The following SLC39A14 variants were observed in gnomAD, a reference collection of about 807,000 sequenced individuals.
SLC39A14 encodes solute carrier family 39 member 14.
A neutral mutation model predicts 45.5 loss-of-function variants in SLC39A14; 19 were observed. That is an observed-to-expected ratio of 0.42 (90% CI 0.29 to 0.61). SLC39A14 has a LOEUF of 0.61. Among genes scored for constraint, SLC39A14 ranks in the 20% least tolerant of loss-of-function variants. The probability of loss-of-function intolerance (pLI) is 0.22; values close to 1 mark genes in which losing one functional copy is unlikely to be tolerated. For missense variants in SLC39A14, 447 were observed against 616.5 expected (o/e 0.73, Z 2.91); for synonymous variants, 264 against 251.3 (o/e 1.05, Z -0.48).
chr8:22,398,630 A>T (rs369337701), intron 1 of SLC39A14: 1 of 757,698 alleles, frequency 1.3e-6, no homozygotes, highest in African/African-American at 1.9e-5. Flanking sequence ...TCTCATATCT[A>T]TGCCCAACCT....
intron 8 of SLC39A14, among the ~76,000 whole-genome samples, chr8:22,428,643 A>T (rs761981394): frequency 6.6e-6 from 1 of 151,560 alleles, no homozygotes; most frequent in Non-Finnish European, 1.5e-5. Flanking sequence ...GGGTTTCACC[A>T]TGTTGGCCAG....
At chr8:22,400,008 G>C (rs117602077) in intron 1 of SLC39A14, among the ~76,000 whole-genome samples, 1 of 152,264 alleles carries the variant, frequency 6.6e-6, no homozygotes, top group South Asian at 2.1e-4. Flanking sequence ...ACCTAGGGCC[G>C]TCCCCTCATA....
downstream of SLC39A14, among the ~76,000 whole-genome samples, chr8:22,423,812 C>CAT (rs1554523074): frequency 7.2e-6 from 1 of 138,886 alleles, no homozygotes; most frequent in Non-Finnish European, 1.5e-5. Flanking sequence ...CTCTCTCTCT[C>CAT]ATCTATCTTC....
In SLC39A14 at chr8:22,421,094, A is replaced by C. The variant is rs1330182621; in HGVS notation, c.*1396A>C. On this transcript the variant is annotated 3_prime_UTR_variant, in exon 9 of 9. Coordinates refer to ENST00000381237, the MANE Select transcript of SLC39A14 (RefSeq NM_001128431.4). ...ATTGATTTATTATTATCATATTGAT[A>C]ATGTGAGATTCTTTAGCCACTTTGG... 27 of 985,712 alleles carry C rather than the reference A, an allele frequency of 2.7e-5. No individual in the cohort carries two copies. Among genetic ancestry groups the C allele is most frequent in the Non-Finnish European group, 3.3e-5 (27 of 829,930 alleles). 61.1% of individuals were successfully genotyped at this position (985,712 alleles called of 1,614,324 possible).
intron 1 of SLC39A14, chr8:22,398,901 C>T (rs4872487): frequency 0.27 from 60,199 of 222,322 alleles, 8,988 homozygotes; most frequent in East Asian, 0.59. Flanking sequence ...GTCTCCCTCC[C>T]ACCTCCCCAA....
rs1409813982 is a variant in SLC39A14, at chr8:22,421,351, C to T, written c.*1653C>T. 4 of 985,666 alleles carry T rather than the reference C, an allele frequency of 4.1e-6. No individual in the cohort carries two copies. Among genetic ancestry groups the T allele is most frequent in the Admixed American group, 6.2e-5 (1 of 16,248 alleles). The allele number at this position is 985,666 out of a possible 1,614,324, so 61.1% of individuals were successfully genotyped here. A position where few individuals can be genotyped will look rare whatever the true frequency, so the allele number is the denominator to read the frequency against. Reference sequence around the variant, plus strand: ...AAACCAGGAATATTCTTGAAAAGAACGTGAGCAGGAAAAACTGCTGGTGAT... The same window carrying T: ...AAACCAGGAATATTCTTGAAAAGAATGTGAGCAGGAAAAACTGCTGGTGAT... On this transcript the variant is annotated 3_prime_UTR_variant, in exon 9 of 9. Transcript: ENST00000381237.
rs1835967314 is a variant in SLC39A14, at chr8:22,417,644, G to C, written c.1148-7G>C. On this transcript the variant is annotated splice_polypyrimidine_tract_variant and splice_region_variant and intron_variant, in intron 7 of 8. Transcript: ENST00000381237. ...CGTCCCTCCCCTTTTCATTCTCGCT[G>C]CTGTAGGAGACTTTGTCATCCTGCT... is the stretch of plus-strand genomic sequence containing the variant. 6.2e-7 allele frequency: 1 copy of C among 1,611,514 alleles called. No homozygotes were observed. Among genetic ancestry groups the C allele is most frequent in the Non-Finnish European group, 8.5e-7 (1 of 1,178,644 alleles).
intron 1 of SLC39A14, among the ~76,000 whole-genome samples, chr8:22,399,244 C>T (rs1359829213): frequency 6.6e-6 from 1 of 152,224 alleles, no homozygotes; most frequent in East Asian, 1.9e-4. Context: ...CCTGCCCGGC[C>T]TCCCCGTCCC....
Position 22,421,562 on chromosome 8 carries a change from G to A in SLC39A14, c.*1864G>A, listed in dbSNP as rs1586757058. 3.0e-6 allele frequency: 3 copies of A among 985,088 alleles called. No individual in the cohort carries two copies. Among genetic ancestry groups the A allele is most frequent in the Non-Finnish European group, 1.2e-6 (1 of 829,408 alleles). The allele number at this position is 985,088 out of a possible 1,614,324, so 61.0% of individuals were successfully genotyped here. On this transcript the variant is annotated 3_prime_UTR_variant, in exon 9 of 9. Transcript: ENST00000381237. ...ATGTTGGAATCTAACTTTTTATATT[G>A]TCATTATTATTGTTGTTTTTAAACG...
At chr8:22,430,535 T>C (rs1262257780) in intron 8 of SLC39A14, among the ~76,000 whole-genome samples, 2 of 152,204 alleles carry the variant, frequency 1.3e-5, no homozygotes, top group Admixed American at 6.5e-5. Flanking sequence ...TGAATGCCAG[T>C]GCTGTTTACC....
chr8:22,400,161 A>G (rs1165595672), intron 1 of SLC39A14, among the ~76,000 whole-genome samples: 1 of 152,206 alleles, frequency 6.6e-6, no homozygotes, highest in Non-Finnish European at 1.5e-5. Flanking sequence ...TGCAGAGGGC[A>G]TGGTGGTTAA....
In SLC39A14 at chr8:22,408,383, A is replaced by C; in HGVS notation, c.344A>C (p.Gln115Pro). ...EQSRIGSSEL[Q>P]EFCPTILQQL... ...TCGCGGATTGGGAGCAGCGAGCTCC[A>C]GGAGTTCTGCCCCACCATCCTCCAG... Residue 115 changes from glutamine (Q) to proline (P), a missense_variant, in exon 3 of 9, where the codon CAG becomes CCG. Physicochemically the swap from Gln to Pro is moderately conservative, Grantham distance 76 (BLOSUM62 -1). This residue lies in a region of SLC39A14 where 342 missense variants were observed against 428.1 expected (regional missense o/e 0.80). Coordinates refer to ENST00000381237, the MANE Select transcript of SLC39A14 (RefSeq NM_001128431.4). The C allele has an allele frequency of 6.2e-7, 1 of 1,614,222 alleles. No homozygotes were observed. The highest frequency in any genetic ancestry group is 8.5e-7 in the Non-Finnish European group (1 of 1,180,042).
intron 2 of SLC39A14, among the ~76,000 whole-genome samples, chr8:22,406,558 G>T (rs905350183): frequency 6.6e-6 from 1 of 152,166 alleles, no homozygotes; most frequent in Non-Finnish European, 1.5e-5. Flanking sequence ...TGGGTATGGC[G>T]GGAGATACCT....
Position 22,422,189 on chromosome 8 carries a change from T to TGAAAAAAA in SLC39A14, c.*2491_*2492insGAAAAAAA, listed in dbSNP as rs1283491261. ...CTGGCATTAGCAGCTTCGACCTCAT[T>TGAAAAAAA]TTCCAGATGCACCAGCTCCTATTAA... On this transcript the variant is annotated 3_prime_UTR_variant, in exon 9 of 9. Coordinates refer to ENST00000381237, the MANE Select transcript of SLC39A14 (RefSeq NM_001128431.4). 97 of 985,338 alleles carry TGAAAAAAA rather than the reference T, an allele frequency of 9.8e-5. No individual in the cohort carries two copies. Among genetic ancestry groups the TGAAAAAAA allele is most frequent in the Non-Finnish European group, 1.2e-4 (97 of 829,938 alleles). The allele number at this position is 985,338 out of a possible 1,614,324, so 61.0% of individuals were successfully genotyped here.
rs1836220078 is a variant in SLC39A14, at chr8:22,421,378, C to A, written c.*1680C>A. 10 of 985,666 alleles carry A rather than the reference C, an allele frequency of 1.0e-5. No individual in the cohort carries two copies. The highest frequency in any genetic ancestry group is 9.6e-6 in the Non-Finnish European group (8 of 829,922). The allele number at this position is 985,666 out of a possible 1,614,324, so 61.1% of individuals were successfully genotyped here. A position where few individuals can be genotyped will look rare whatever the true frequency, so the allele number is the denominator to read the frequency against. On this transcript the variant is annotated 3_prime_UTR_variant, in exon 9 of 9. Coordinates refer to ENST00000381237, the MANE Select transcript of SLC39A14 (RefSeq NM_001128431.4). ...TGAGCAGGAAAAACTGCTGGTGATACTTTTTTTAAGTTTTGTTTTTATCTT... is the reference window on the plus strand; with the variant it reads ...TGAGCAGGAAAAACTGCTGGTGATAATTTTTTTAAGTTTTGTTTTTATCTT...
chr8:22,388,034 G>C (rs1369487439), intron 1 of SLC39A14, among the ~76,000 whole-genome samples: 1 of 152,214 alleles, frequency 6.6e-6, no homozygotes, highest in Admixed American at 6.5e-5. Context: ...CGTTTGCACG[G>C]TGAGTGTGTG....
At chr8:22,408,960 A>C (rs1835398041) in intron 3 of SLC39A14, among the ~76,000 whole-genome samples, 1 of 150,704 alleles carries the variant, frequency 6.6e-6, no homozygotes, top group Non-Finnish European at 1.5e-5. Context: ...AGCTGGGACT[A>C]CAGGCGTGCA....
chr8:22,371,414 CTTTTTTTTTTTTTTTTTTTTTTT>C (rs373230777), intron 1 of SLC39A14, among the ~76,000 whole-genome samples: 3 of 120,052 alleles, frequency 2.5e-5, no homozygotes, highest in Admixed American at 8.7e-5. Flanking sequence ...AAATACATGT[CTTTTTTTTTTTTTTTTTTTTTTT>C]TTTTTTTTTT....
chr8:22,400,661 A>C (rs1453469268), intron 1 of SLC39A14, among the ~76,000 whole-genome samples: 3 of 152,180 alleles, frequency 2.0e-5, no homozygotes, highest in Non-Finnish European at 4.4e-5. Flanking sequence ...GTGGACTCAA[A>C]AGTATATATT....
Sources: allele counts gnomAD v4.1 joint callset (sites outside exome capture counted in the v4.1 genomes callset), GRCh38; gene constraint gnomAD v4.1.1; regional missense constraint gnomAD v4.1.1; transcripts MANE v1.5; gene names NCBI Gene and HGNC (gene_info 2026-07-23, HGNC 2026-07-21).